PACS1: variants seen among roughly 807,000 people sequenced by gnomAD.
The protein encoded by PACS1 is PACS-1.
In PACS1, 24 loss-of-function variants were observed where a neutral mutation model predicts 115.0. That is an observed-to-expected ratio of 0.21 (90% CI 0.15 to 0.29). PACS1 has a LOEUF of 0.29. Among genes scored for constraint, PACS1 ranks in the 10% least tolerant of loss-of-function variants. The pLI is 1.00. For missense variants in PACS1, 838 were observed against 1,251.2 expected (o/e 0.67, Z 4.98); for synonymous variants, 453 against 504.5 (o/e 0.90, Z 1.37).
intron 1 of PACS1, among the ~76,000 whole-genome samples, chr11:66,163,429 A>G (rs1176952726): frequency 6.6e-6 from 1 of 151,656 alleles, no homozygotes; most frequent in Non-Finnish European, 1.5e-5. Flanking sequence ...CACACCCAGC[A>G]TTTATAATTA....
chr11:66,109,333 G>A (rs1345219769), intron 1 of PACS1, among the ~76,000 whole-genome samples: 2 of 152,108 alleles, frequency 1.3e-5, no homozygotes, highest in African/African-American at 2.4e-5. Context: ...AGGCTGAGGT[G>A]GATCACTTGA....
Position 66,234,193 on chromosome 11 carries a change from G to A in PACS1, c.2055G>A (p.Leu685=), listed in dbSNP as rs767488416. The A allele has an allele frequency of 1.9e-6, 3 of 1,614,050 alleles. No homozygotes were observed. The African/African-American group carries it at 4.0e-5, about 22-fold the overall frequency. Residue 685 remains leucine (L), a synonymous_variant, in exon 17 of 24, where the codon CTG becomes CTA. Transcript: ENST00000320580. The part of the protein sequence containing the change: ...SVDSKYSSSF[L]DSGWRDLFSR... ...ACAGTAAATACAGTAGTTCCTTCCT[G>A]GATTCTGGTTGGAGAGATCTGTTCA...
rs1039700288 is a variant in PACS1 at position 66,070,294 on chromosome 11, G to C, written c.-193G>C. On this transcript the variant is annotated 5_prime_UTR_variant, in exon 1 of 24. Coordinates refer to ENST00000320580, the MANE Select transcript of PACS1 (RefSeq NM_018026.4). This position sits in a 1 kb window ranked among gnomAD's most constrained non-coding sequence, Gnocchi z 5.9. ...CCCACCCGTGTCGGCCTCGCGAGCCGCAACAGGCAGCGGCGGTCGAGCGCG... is the reference window on the plus strand; with the variant it reads ...CCCACCCGTGTCGGCCTCGCGAGCCCCAACAGGCAGCGGCGGTCGAGCGCG... 1 of 174,444 alleles carries C rather than the reference G, an allele frequency of 5.7e-6. No homozygotes were observed. Among genetic ancestry groups the C allele is most frequent in the African/African-American group, 2.4e-5 (1 of 41,434 alleles). The allele number at this position is 174,444 out of a possible 1,614,324, so 10.8% of individuals were successfully genotyped here.
intron 1 of PACS1, among the ~76,000 whole-genome samples, chr11:66,175,869 G>A (rs1002665136): frequency 6.6e-6 from 1 of 152,118 alleles, no homozygotes; most frequent in East Asian, 1.9e-4. Flanking sequence ...TCACAGGGTT[G>A]ATTCCGCTTT....
chr11:66,158,409 GAAGA>G (rs1859409217), intron 1 of PACS1, among the ~76,000 whole-genome samples: 2 of 152,228 alleles, frequency 1.3e-5, no homozygotes, highest in Admixed American at 1.3e-4. Context: ...AAAGCAGTTG[GAAGA>G]TAGGCCGGGC....
chr11:66,124,067 C>T (rs559002115), intron 1 of PACS1, among the ~76,000 whole-genome samples: 12 of 152,268 alleles, frequency 7.9e-5, no homozygotes, highest in African/African-American at 2.4e-4. Flanking sequence ...TTGGCAATAC[C>T]GTCTAGTTGT....
At chr11:66,182,793 G>T (rs149261521) in intron 1 of PACS1, among the ~76,000 whole-genome samples, 1 of 152,300 alleles carries the variant, frequency 6.6e-6, no homozygotes, top group Non-Finnish European at 1.5e-5. Flanking sequence ...ACCTGGTCTA[G>T]TTGCTTTGCT....
chr11:66,076,486 C>T (rs1008439975), intron 1 of PACS1, among the ~76,000 whole-genome samples: 12 of 152,066 alleles, frequency 7.9e-5, no homozygotes, highest in Admixed American at 4.6e-4. Flanking sequence ...CTGCAACCTC[C>T]GCCTCCCAGG....
At chr11:66,174,338 A>G (rs1859804123) in intron 1 of PACS1, among the ~76,000 whole-genome samples, 1 of 97,532 alleles carries the variant, frequency 1.0e-5, no homozygotes, top group Admixed American at 1.2e-4. Flanking sequence ...GTAAAATGGC[A>G]TAGCCACTTT....
chr11:66,073,045 T>C (rs575133960), intron 1 of PACS1, among the ~76,000 whole-genome samples: 1 of 152,388 alleles, frequency 6.6e-6, no homozygotes, highest in African/African-American at 2.4e-5. Flanking sequence ...GACTTATTTT[T>C]ACATTCCGGG....
intron 1 of PACS1, chr11:66,121,170 G>A (rs1858432600): frequency 2.3e-6 from 1 of 433,926 alleles, no homozygotes; most frequent in Non-Finnish European, 4.7e-6. Context: ...TTATTATTGT[G>A]TTGGTTACGG....
chr11:66,121,245 A>G (rs1858434794), intron 1 of PACS1, among the ~76,000 whole-genome samples: 1 of 152,140 alleles, frequency 6.6e-6, no homozygotes, highest in Non-Finnish European at 1.5e-5. Context: ...CATCCGTGCG[A>G]GACGTTAGAC....
At chr11:66,208,717 AATC>A (rs1049666713) in intron 2 of PACS1, among the ~76,000 whole-genome samples, 84 of 151,918 alleles carry the variant, frequency 5.5e-4, no homozygotes, top group African/African-American at 2.0e-3. Flanking sequence ...GAAAGAAAAA[AATC>A]ATTCCCTCCA....
chr11:66,074,941 G>T lies in PACS1; in HGVS notation c.356+4099G>T, dbSNP rs1330472362. 2.0e-3 allele frequency among the ~76,000 whole-genome samples: 224 copies of T among 114,140 alleles called. 2 individuals are homozygous for T. The South Asian group carries it at 0.031, about 16-fold the overall frequency. 74.9% of individuals were successfully genotyped at this position (114,140 alleles called of 152,430 possible). ...TTAATTTTATTAATTTTTTTTTGGTGTTTTTTTTTTTTTTTTTTTGAGATG... is the reference window on the plus strand; with the variant it reads ...TTAATTTTATTAATTTTTTTTTGGTTTTTTTTTTTTTTTTTTTTTGAGATG... On this transcript the variant is annotated intron_variant, in intron 1 of 23. Coordinates refer to ENST00000320580, the MANE Select transcript of PACS1 (RefSeq NM_018026.4).
At chr11:66,095,810 C>A (rs1020864983) in intron 1 of PACS1, among the ~76,000 whole-genome samples, 1 of 152,098 alleles carries the variant, frequency 6.6e-6, no homozygotes. Flanking sequence ...TAGAGAGTCA[C>A]GTAGTTTTAC....
chr11:66,134,183 G>A (rs542437039), intron 1 of PACS1, among the ~76,000 whole-genome samples: 2 of 150,332 alleles, frequency 1.3e-5, no homozygotes, highest in South Asian at 2.1e-4. Flanking sequence ...TGCTGCCCTC[G>A]ACTGTTGTGA....
chr11:66,203,459 A>G (rs190463414), intron 2 of PACS1, among the ~76,000 whole-genome samples: 26 of 150,490 alleles, frequency 1.7e-4, no homozygotes, highest in African/African-American at 4.9e-4. Flanking sequence ...TGCAATCCCT[A>G]TCAAAATACC....
rs372948299 is a variant in PACS1, at chr11:66,233,772, C to T, written c.1839-13C>T. On this transcript the variant is annotated splice_polypyrimidine_tract_variant and intron_variant, in intron 15 of 23. Transcript: ENST00000320580. The surrounding 1 kb of genome is among the most constrained non-coding windows in gnomAD (Gnocchi z 4.5). ...CCCCTGAGCACTGCTATGACGCTCC[C>T]CTTCCTCCCCAGCTGCAACTGCAAC... The T allele has an allele frequency of 3.1e-6, 5 of 1,612,054 alleles. No homozygotes were observed. The highest frequency in any genetic ancestry group is 4.2e-6 in the Non-Finnish European group (5 of 1,178,942).
In PACS1 at chr11:66,239,218, A is replaced by T. The variant is rs199806038; in HGVS notation, c.2370A>T (p.Arg790=). The T allele has an allele frequency of 1.5e-5, 24 of 1,613,976 alleles. No homozygotes were observed. In the East Asian group the frequency reaches 5.3e-4, roughly 36 times the overall value. ...CACCCTCCAGCTCGGGCCTGAGCCG[A>T]GACGCCACGGCCACCCCTCCCTCCT... ...TSPPSSSGLS[R]DATATPPSSP... The change falls in exon 21 of 24, where the codon CGA becomes CGT. Residue 790 remains arginine, a synonymous_variant. Transcript: ENST00000320580.
Sources: gnomAD v4.1 joint callset for allele counts (sites outside exome capture counted in the v4.1 genomes callset) on GRCh38, gnomAD v4.1.1 for gene constraint, Gnocchi (gnomAD v3.1) non-coding constraint, MANE v1.5 for transcripts, NCBI Gene and HGNC (gene_info 2026-07-23, HGNC 2026-07-21) for gene names.